The following ZNF226 variants were observed in gnomAD, a reference collection of about 807,000 sequenced individuals.
The protein encoded by ZNF226 is Kruppel-associated box protein.
In ZNF226, 6 loss-of-function variants were observed where a neutral mutation model predicts 11.4. That is an observed-to-expected ratio of 0.53 (90% CI 0.29 to 1.04). The LOEUF is 1.04. ZNF226 is among the 50% of genes least tolerant of loss of function. The probability of loss-of-function intolerance (pLI) is 0.08; values close to 1 mark genes in which losing one functional copy is unlikely to be tolerated. For missense variants in ZNF226, 1,058 were observed against 956.5 expected (o/e 1.11, Z -1.40); for synonymous variants, 350 against 322.8 (o/e 1.08, Z -0.90).
Position 44,176,261 on chromosome 19 carries a change from AC to A in ZNF226, c.1001del (p.Pro334HisfsTer153). 1 of 1,614,140 alleles carries A rather than the reference AC, an allele frequency of 6.2e-7. No individual in the cohort carries two copies. Among genetic ancestry groups the A allele is most frequent in the Non-Finnish European group, 8.5e-7 (1 of 1,180,016 alleles). On this transcript the variant is annotated frameshift_variant, in exon 6 of 6. Coordinates refer to ENST00000337433, the MANE Select transcript of ZNF226 (RefSeq NM_001032373.2). LOFTEE classifies it low-confidence loss of function (END_TRUNC). Reference protein sequence around the residue: ...THQKVHVIEKPYKCKQCGKGF... With the variant: ...THQKVHVIEKXYKCKQCGKGF... ...ATCAGAAAGTCCACGTGATAGAGAAACCATACAAATGTAAGCAATGTGGGAA... is the reference window on the plus strand; with the variant it reads ...ATCAGAAAGTCCACGTGATAGAGAAACATACAAATGTAAGCAATGTGGGAA...
At chr19:44,174,983 G>T in intron 5 of ZNF226, 8 of 1,609,870 alleles carry the variant, frequency 5.0e-6, no homozygotes, top group Admixed American at 1.7e-5. Flanking sequence ...TTGTATTTCA[G>T]ATACCTTACT....
chr19:44,177,573 ACAGTTCATCACAGAATCCATGTTGGTGAT>A lies in ZNF226; in HGVS notation c.2312_2340del (p.Thr771LysfsTer4). 1.2e-6 allele frequency: 2 copies of A among 1,613,998 alleles called. No individual in the cohort carries two copies. Among genetic ancestry groups the A allele is most frequent in the Non-Finnish European group, 8.5e-7 (1 of 1,179,896 alleles). ...GAGCTTCAGTTGGCGATCAAATCTT[ACAGTTCATCACAGAATCCATGTTGGTGAT>A]AAATCCTATAAAAGTAATAGGGGTG... On this transcript the variant is annotated frameshift_variant, in exon 6 of 6. Coordinates refer to ENST00000337433, the MANE Select transcript of ZNF226 (RefSeq NM_001032373.2). LOFTEE classifies it low-confidence loss of function (END_TRUNC).
rs149657741 is a variant in ZNF226, at chr19:44,174,992, C to T, written c.236-506C>T. ...TTCTTTTTGTATTTCAGATACCTTA[C>T]TTGTAAAAGCTCTTTTGCTCTATGA... On this transcript the variant is annotated intron_variant, in intron 5 of 5. Coordinates refer to ENST00000337433, the MANE Select transcript of ZNF226 (RefSeq NM_001032373.2). 3.0e-4 allele frequency: 484 copies of T among 1,610,242 alleles called. 3 individuals are homozygous for T. The Admixed American group carries it at 8.0e-3, about 27-fold the overall frequency.
In ZNF226 at chr19:44,177,559, G is replaced by T. The variant is rs770300256; in HGVS notation, c.2297G>T (p.Trp766Leu). Reference protein sequence around the residue: ...KCEICGKSFSWRSNLTVHHRI... With the variant: ...KCEICGKSFSLRSNLTVHHRI... ...GAGATATGTGGTAAGAGCTTCAGTT[G>T]GCGATCAAATCTTACAGTTCATCAC... is the stretch of plus-strand genomic sequence containing the variant. Residue 766 changes from tryptophan (W) to leucine (L), a missense_variant, in exon 6 of 6, where the codon TGG becomes TTG. Trp to Leu is a moderately conservative substitution (Grantham distance 61). Transcript: ENST00000337433. 1.2e-6 allele frequency: 2 copies of T among 1,614,018 alleles called. No individual in the cohort carries two copies. Among genetic ancestry groups the T allele is most frequent in the Non-Finnish European group, 1.7e-6 (2 of 1,179,936 alleles).
At chr19:44,183,446 A>G in the ZNF226 span, among the ~76,000 whole-genome samples, 6 of 152,196 alleles carry the variant, frequency 3.9e-5, no homozygotes, top group East Asian at 1.2e-3. Flanking sequence ...CCAAGGACAA[A>G]CACTATAAAT....
At chr19:44,165,432 G>A (rs943845246) in intron 1 of ZNF226, among the ~76,000 whole-genome samples, 5 of 152,070 alleles carry the variant, frequency 3.3e-5, no homozygotes, top group Non-Finnish European at 7.4e-5. Context: ...GTATCACATT[G>A]AGCGAGTTAG....
At chr19:44,174,753 T>C (rs7260367) in intron 5 of ZNF226, 29,542 of 358,856 alleles carry the variant, frequency 0.082, 4,669 homozygotes, top group African/African-American at 0.41. Context: ...AGAAACTTTC[T>C]ATACCTTGCT....
intron 3 of ZNF226, among the ~76,000 whole-genome samples, chr19:44,171,786 C>G (rs1970122901): frequency 1.3e-5 from 2 of 152,184 alleles, no homozygotes; most frequent in South Asian, 4.1e-4. Flanking sequence ...CTATCAAACA[C>G]TATTGGGACT....
At chr19:44,173,408 C>G (rs569746609) in intron 5 of ZNF226, 28 of 194,328 alleles carry the variant, frequency 1.4e-4, no homozygotes, top group South Asian at 9.2e-4. Flanking sequence ...TAATCTTTTA[C>G]CTATAATCCT....
Position 44,177,381 on chromosome 19 carries a change from T to C in ZNF226, c.2119T>C (p.Tyr707His). The C allele has an allele frequency of 6.2e-7, 1 of 1,612,428 alleles. No individual in the cohort carries two copies. The highest frequency in any genetic ancestry group is 1.1e-5 in the South Asian group (1 of 90,980). Residue 707 changes from tyrosine to histidine, a missense_variant, in exon 6 of 6, where the codon TAC (tyrosine) becomes CAC (histidine). Physicochemically the swap from Tyr to His is moderately conservative, Grantham distance 83. Coordinates refer to ENST00000337433, the MANE Select transcript of ZNF226 (RefSeq NM_001032373.2). ...KPYKCGECGK[Y>H]FSQASSLQLH... ...ATATAAATGTGGGGAGTGTGGTAAG[T>C]ACTTCAGTCAGGCCTCAAGTCTTCA...
chr19:44,196,347 A>G, the ZNF226 span, among the ~76,000 whole-genome samples: 22 of 152,052 alleles, frequency 1.4e-4, no homozygotes, highest in East Asian at 2.5e-3. Context: ...CAGTGTAGTC[A>G]TGGTGGAAGA....
At position 44,177,084 on chromosome 19, in the gene ZNF226, A is replaced by G. The variant is rs1473636407; in HGVS notation, c.1822A>G (p.Ile608Val). 9 of 1,610,406 alleles carry G rather than the reference A, an allele frequency of 5.6e-6. No individual in the cohort carries two copies. Among genetic ancestry groups the G allele is most frequent in the Non-Finnish European group, 6.8e-6 (8 of 1,178,884 alleles). The change falls in exon 6 of 6, where the codon ATC (isoleucine) becomes GTC (valine). Residue 608 changes from isoleucine (I) to valine (V), a missense_variant. Coordinates refer to ENST00000337433, the MANE Select transcript of ZNF226 (RefSeq NM_001032373.2). ...AGCAGATCTTAAAATTCACTGTAGG[A>G]TCCACACAGGAGAGAAACCATATAA... ...RRADLKIHCR[I>V]HTGEKPYNCE...
Position 44,177,125 on chromosome 19 carries a change from G to A in ZNF226, c.1863G>A (p.Gly621=). ...AACCATATAATTGTGAGGAGTGTGG[G>A]AAGGTCTTCAGGCAGGCCTCAAATC... ...GEKPYNCEEC[G]KVFRQASNLL... is the part of the protein sequence containing the mutation. Residue 621 remains glycine, a synonymous_variant, in exon 6 of 6, where the codon GGG becomes GGA. Transcript: ENST00000337433. The A allele has an allele frequency of 6.2e-7, 1 of 1,611,454 alleles. No homozygotes were observed. Among genetic ancestry groups the A allele is most frequent in the Non-Finnish European group, 8.5e-7 (1 of 1,179,194 alleles).
downstream of ZNF226, among the ~76,000 whole-genome samples, chr19:44,179,046 G>C (rs1317092058): frequency 6.6e-6 from 1 of 152,168 alleles, no homozygotes; most frequent in Non-Finnish European, 1.5e-5. Context: ...TGGGCGTGGT[G>C]GTGCGTGCCT....
At chr19:44,175,103 T>C (rs1970561539) in intron 5 of ZNF226, 2 of 1,594,376 alleles carry the variant, frequency 1.3e-6, no homozygotes, top group South Asian at 1.1e-5. Flanking sequence ...AGGACTCATA[T>C]ATGCATACAT....
At chr19:44,198,480 T>G in the ZNF226 span, among the ~76,000 whole-genome samples, 5 of 152,364 alleles carry the variant, frequency 3.3e-5, no homozygotes, top group South Asian at 1.0e-3. Context: ...AATGTATATG[T>G]CATATGTGTC....
At chr19:44,172,992 C>T in intron 5 of ZNF226, 40 bp downstream of exon 5, 1 of 1,523,862 alleles carries the variant, frequency 6.6e-7, no homozygotes, top group African/African-American at 1.4e-5. Context: ...AGTTAACTGT[C>T]CATCTGCTTT....
At chr19:44,198,532 G>C in the ZNF226 span, among the ~76,000 whole-genome samples, 1 of 152,182 alleles carries the variant, frequency 6.6e-6, no homozygotes, top group Non-Finnish European at 1.5e-5. Context: ...ACCAGCATCT[G>C]TATCAAGAAA....
the ZNF226 span, among the ~76,000 whole-genome samples, chr19:44,190,490 C>T: frequency 2.6e-5 from 4 of 152,142 alleles, no homozygotes; most frequent in Non-Finnish European, 2.9e-5. Context: ...CCCGCCACCA[C>T]GCCTGGCTAA....
Sources: allele counts gnomAD v4.1 joint callset (sites outside exome capture counted in the v4.1 genomes callset), GRCh38; gene constraint gnomAD v4.1.1; transcripts MANE v1.5; gene names NCBI Gene and HGNC (gene_info 2026-07-23, HGNC 2026-07-21).